Variants in CACNB2 observed in about 807,000 individuals in gnomAD.
The protein encoded by CACNB2 is calcium voltage-gated channel auxiliary subunit beta 2, also known as voltage-dependent L-type calcium channel subunit beta-2.
Under a neutral mutation model 73.3 loss-of-function variants are expected in CACNB2, and 42 were observed. The observed-to-expected ratio is 0.57, with a 90% CI of 0.45 to 0.74. The LOEUF (loss-of-function observed/expected upper bound fraction) is 0.74. CACNB2 is among the 30% of genes least tolerant of loss of function. The pLI, the probability that CACNB2 is intolerant of heterozygous loss-of-function variation, is 0.00. For missense variants in CACNB2, 940 were observed against 853.0 expected (o/e 1.10, Z -1.27); for synonymous variants, 348 against 310.3 (o/e 1.12, Z -1.28).
At chr10:18,169,326 A>G (rs1588606416) in intron 2 of CACNB2, among the ~76,000 whole-genome samples, 1 of 152,182 alleles carries the variant, frequency 6.6e-6, no homozygotes, top group Admixed American at 6.5e-5. Flanking sequence ...TGTTTACCAG[A>G]TGATTTAACT....
At chr10:18,531,601 A>G (rs2053036289) in intron 10 of CACNB2, among the ~76,000 whole-genome samples, 1 of 152,174 alleles carries the variant, frequency 6.6e-6, no homozygotes, top group Non-Finnish European at 1.5e-5. Flanking sequence ...GTCTTCCACA[A>G]TGGTTTAACT....
At chr10:18,392,323 T>C (rs1209938374) in intron 2 of CACNB2, among the ~76,000 whole-genome samples, 1 of 151,810 alleles carries the variant, frequency 6.6e-6, no homozygotes, top group Non-Finnish European at 1.5e-5. Flanking sequence ...GTTGAGAAAA[T>C]GAAGAGAGGA....
chr10:18,261,209 G>A, intron 2 of CACNB2: 1 of 1,550,034 alleles, frequency 6.5e-7, no homozygotes, highest in South Asian at 1.2e-5. Context: ...GCTGTGACGA[G>A]AAGACAAGGC....
chr10:18,403,909 T>C (rs1406171635), intron 3 of CACNB2, among the ~76,000 whole-genome samples: 1 of 151,984 alleles, frequency 6.6e-6, no homozygotes, highest in Non-Finnish European at 1.5e-5. Flanking sequence ...ATAAAACCTA[T>C]TTGATAGCAC....
chr10:18,183,271 A>G (rs1023546793), intron 2 of CACNB2, among the ~76,000 whole-genome samples: 1 of 152,196 alleles, frequency 6.6e-6, no homozygotes, highest in East Asian at 1.9e-4. Context: ...GACAGCTATC[A>G]TCAGGCTTTT....
intron 3 of CACNB2, among the ~76,000 whole-genome samples, chr10:18,460,886 C>CA (rs2047537083): frequency 1.7e-5 from 1 of 60,370 alleles, no homozygotes; most frequent in African/African-American, 5.8e-5. Context: ...CAAGATCTTT[C>CA]CAAAAAAAAA....
At chr10:18,388,967 A>C (rs1354974733) in intron 2 of CACNB2, among the ~76,000 whole-genome samples, 4 of 152,212 alleles carry the variant, frequency 2.6e-5, no homozygotes, top group African/African-American at 9.7e-5. Context: ...GAAAATATGT[A>C]TAAATCATCT....
At chr10:18,252,886 C>G (rs1201548212) in intron 2 of CACNB2, among the ~76,000 whole-genome samples, 1 of 151,428 alleles carries the variant, frequency 6.6e-6, no homozygotes. Flanking sequence ...CAGATGATGG[C>G]TCGGGTGGAA....
At chr10:18,145,424 T>C (rs905698267) in intron 1 of CACNB2, among the ~76,000 whole-genome samples, 15 of 149,440 alleles carry the variant, frequency 1.0e-4, no homozygotes, top group Non-Finnish European at 1.8e-4. Flanking sequence ...TTTTTTTTTT[T>C]CTAATGTGAC....
intron 3 of CACNB2, among the ~76,000 whole-genome samples, chr10:18,409,359 A>G (rs2044488037): frequency 6.6e-6 from 1 of 151,422 alleles, no homozygotes; most frequent in Admixed American, 6.6e-5. Context: ...CCTGGTCTTG[A>G]ACTCCTGGGC....
intron 2 of CACNB2, among the ~76,000 whole-genome samples, chr10:18,247,429 A>G (rs2036910314): frequency 6.6e-6 from 1 of 152,170 alleles, no homozygotes; most frequent in African/African-American, 2.4e-5. Flanking sequence ...GAACCAAGAG[A>G]CAGAATAGTC....
At chr10:18,514,393 A>G (rs2051070384) in intron 7 of CACNB2, 24 bp downstream of exon 7, 2 of 1,613,926 alleles carry the variant, frequency 1.2e-6, no homozygotes, top group Non-Finnish European at 1.7e-6. Flanking sequence ...CCAAGCTCCC[A>G]TTGTCCACCT....
At chr10:18,532,385 A>C (rs1053291386) in intron 10 of CACNB2, among the ~76,000 whole-genome samples, 6 of 152,174 alleles carry the variant, frequency 3.9e-5, no homozygotes, top group Non-Finnish European at 7.3e-5. Flanking sequence ...CAATCAGCAC[A>C]TATTAGGGCT....
chr10:18,387,331 C>T (rs1379120747), intron 2 of CACNB2, among the ~76,000 whole-genome samples: 1 of 152,116 alleles, frequency 6.6e-6, no homozygotes, highest in Non-Finnish European at 1.5e-5. Flanking sequence ...TAGTAGTTAT[C>T]AGAACTGTCA....
intron 3 of CACNB2, among the ~76,000 whole-genome samples, chr10:18,443,716 C>T (rs532719636): frequency 3.1e-4 from 42 of 135,800 alleles, no homozygotes; most frequent in Admixed American, 5.3e-4. Context: ...TCCTACATAC[C>T]TTTTTTTTTT....
At position 18,206,422 on chromosome 10, in the gene CACNB2, A is replaced by G. The variant is rs116723979; in HGVS notation, c.213+55447A>G. 998 of 152,568 alleles carry G rather than the reference A, an allele frequency of 6.5e-3. 11 individuals are homozygous for G. Among genetic ancestry groups the G allele is most frequent in the African/African-American group, 0.023 (938 of 41,532 alleles). The allele number at this position is 152,568 out of a possible 1,614,324, so 9.5% of individuals were successfully genotyped here. On this transcript the variant is annotated intron_variant, in intron 2 of 13. Transcript: ENST00000324631. ...GGGCTATTGCCTGGGCATCCCTACTATGTCCACCTCATCCTCCCACCTGTG... is the reference window on the plus strand; with the variant it reads ...GGGCTATTGCCTGGGCATCCCTACTGTGTCCACCTCATCCTCCCACCTGTG...
At chr10:18,220,241 A>AGGG (rs1476433166) in intron 2 of CACNB2, among the ~76,000 whole-genome samples, 2 of 81,804 alleles carry the variant, frequency 2.4e-5, no homozygotes, top group African/African-American at 1.4e-4. Context: ...ATAGAGAGAG[A>AGGG]GAGAGAGAGA....
intron 2 of CACNB2, among the ~76,000 whole-genome samples, chr10:18,310,716 A>AT (rs2039932683): frequency 6.7e-6 from 1 of 148,338 alleles, no homozygotes; most frequent in South Asian, 2.2e-4. Flanking sequence ...AGTAGCTGGG[A>AT]TTACAGGCAT....
In CACNB2 at chr10:18,223,327, T is replaced by C. The variant is rs562548117; in HGVS notation, c.213+72352T>C. ...AACTCCACAGCACTGCAGAAGAGAA[T>C]GTCATTAAAGAGGCTAGTCAGTAAT... On this transcript the variant is annotated intron_variant, in intron 2 of 13. Coordinates refer to ENST00000324631, the MANE Select transcript of CACNB2 (RefSeq NM_201596.3). Among the ~76,000 whole-genome samples, 8 of 152,332 alleles carry C rather than the reference T, an allele frequency of 5.3e-5. No individual in the cohort carries two copies. In the East Asian group the frequency reaches 1.5e-3, roughly 29 times the overall value.
Sources: gnomAD v4.1 joint callset for allele counts (sites outside exome capture counted in the v4.1 genomes callset) on GRCh38, gnomAD v4.1.1 for gene constraint, MANE v1.5 for transcripts, NCBI Gene and HGNC (gene_info 2026-07-23, HGNC 2026-07-21) for gene names.